GARNL3: variants seen among roughly 807,000 people sequenced by gnomAD.
The protein encoded by GARNL3 is GTPase-activating Rap/Ran-GAP domain-like protein 3.
In GARNL3, 63 loss-of-function variants were observed where a neutral mutation model predicts 125.0. The observed-to-expected ratio is 0.50, with a 90% confidence interval of 0.41 to 0.62. The LOEUF is 0.62. Ranked by LOEUF, GARNL3 falls within the 20% of genes least tolerant of loss-of-function variation. The pLI is 0.00. For missense variants in GARNL3, 994 were observed against 1,244.0 expected (o/e 0.80, Z 3.02); for synonymous variants, 439 against 457.5 (o/e 0.96, Z 0.52).
At position 127,385,302 on chromosome 9, in the gene GARNL3, T is replaced by G. The variant is rs1379648980; in HGVS notation, c.2388+157T>G. On this transcript the variant is annotated intron_variant, in intron 24 of 27. Transcript: ENST00000373387. The surrounding 1 kb of genome is among the most constrained non-coding windows in gnomAD (Gnocchi z 4.1). ...TGGAAAGCCTGAAACCAGACTGATC[T>G]GTTGGGTTTTCATGTGTGATTTCTG... is the stretch of plus-strand genomic sequence containing the variant. Among the ~76,000 whole-genome samples, 1 of 152,212 alleles carries G rather than the reference T, an allele frequency of 6.6e-6. No individual in the cohort carries two copies. The highest frequency in any genetic ancestry group is 1.5e-5 in the Non-Finnish European group (1 of 68,038).
intron 22 of GARNL3, among the ~76,000 whole-genome samples, chr9:127,372,566 T>TA (rs1688962639): frequency 6.6e-6 from 1 of 152,240 alleles, no homozygotes; most frequent in African/African-American, 2.4e-5. Context: ...GGGTCTTACT[T>TA]ACTTTGTAAA....
In GARNL3 at chr9:127,311,586, G is replaced by A. The variant is rs1033860714; in HGVS notation, c.220-50G>A. ...GCCGCTGGTTCATTGCCAGGTTCAT[G>A]TTTACTTTCTGAATAAGCCTCTTAA... On this transcript the variant is annotated intron_variant, in intron 2 of 27. Coordinates refer to ENST00000373387, the MANE Select transcript of GARNL3 (RefSeq NM_032293.5). 2.6e-5 allele frequency: 34 copies of A among 1,288,654 alleles called. No individual in the cohort carries two copies. The Admixed American group carries it at 4.4e-4, about 17-fold the overall frequency. 79.8% of individuals were successfully genotyped at this position (1,288,654 alleles called of 1,614,324 possible).
At chr9:127,332,205 A>G in intron 7 of GARNL3, 69 bp from the exon 8 acceptor site, 2 of 1,142,020 alleles carry the variant, frequency 1.8e-6, no homozygotes, top group South Asian at 2.6e-5. Flanking sequence ...AGTCACGAAC[A>G]GCCCATCTCA....
intron 2 of GARNL3, among the ~76,000 whole-genome samples, chr9:127,252,289 T>C (rs151083767): frequency 5.8e-4 from 89 of 152,306 alleles, no homozygotes; most frequent in African/African-American, 2.0e-3. Context: ...CATGGTTATG[T>C]TCCTAAAGCA....
Position 127,384,101 on chromosome 9 carries a change from A to G in GARNL3, c.2269+556A>G, listed in dbSNP as rs146057893. Among the ~76,000 whole-genome samples, 3 of 152,342 alleles carry G rather than the reference A, an allele frequency of 2.0e-5. No homozygotes were observed. The highest frequency in any genetic ancestry group is 4.4e-5 in the Non-Finnish European group (3 of 68,028). On this transcript the variant is annotated intron_variant, in intron 23 of 27. Transcript: ENST00000373387. This position sits in a 1 kb window ranked among gnomAD's most constrained non-coding sequence, Gnocchi z 4.0. Reference sequence around the variant, plus strand: ...TCCAGTTCATTCTTTTGTCCTCACAATAAAACTGTGTGTTAATAGGTCCAC... The same window carrying G: ...TCCAGTTCATTCTTTTGTCCTCACAGTAAAACTGTGTGTTAATAGGTCCAC...
intron 7 of GARNL3, among the ~76,000 whole-genome samples, chr9:127,331,387 G>A (rs1411820565): frequency 6.6e-6 from 1 of 152,046 alleles, no homozygotes; most frequent in African/African-American, 2.4e-5. Flanking sequence ...CAGCTACTCA[G>A]GAGGCTGAGG....
chr9:127,362,084 T>C (rs895774741), intron 21 of GARNL3: 5 of 150,470 alleles, frequency 3.3e-5, no homozygotes, highest in African/African-American at 1.2e-4. Context: ...TTTTTTTTTT[T>C]TTTTGAGACA....
chr9:127,324,670 A>T (rs757335064), intron 6 of GARNL3, among the ~76,000 whole-genome samples: 2 of 152,264 alleles, frequency 1.3e-5, no homozygotes, highest in Non-Finnish European at 2.9e-5. Flanking sequence ...AAAGTAATTT[A>T]AGTTGATTAA....
chr9:127,296,551 A>G (rs537826311), intron 2 of GARNL3, among the ~76,000 whole-genome samples: 8 of 140,004 alleles, frequency 5.7e-5, no homozygotes, highest in African/African-American at 2.2e-4. Flanking sequence ...GGCTCACTGT[A>G]ACCTCCACCT....
In GARNL3 at chr9:127,384,553, C is replaced by G. The variant is rs1453441578; in HGVS notation, c.2270-474C>G. ...AGTGAGGAATAAGATGCAGCCCCGG[C>G]TCAGACGTGCAGCTGGAGGAGCACA... On this transcript the variant is annotated intron_variant, in intron 23 of 27. Coordinates refer to ENST00000373387, the MANE Select transcript of GARNL3 (RefSeq NM_032293.5). The surrounding 1 kb of genome is among the most constrained non-coding windows in gnomAD (Gnocchi z 4.0). Among the ~76,000 whole-genome samples, 1 of 150,504 alleles carries G rather than the reference C, an allele frequency of 6.6e-6. No individual in the cohort carries two copies. The highest frequency in any genetic ancestry group is 1.5e-5 in the Non-Finnish European group (1 of 68,024).
intron 1 of GARNL3, among the ~76,000 whole-genome samples, chr9:127,281,629 C>T (rs1027576470): frequency 3.9e-5 from 6 of 152,196 alleles, no homozygotes; most frequent in African/African-American, 1.4e-4. Context: ...TACTCTGGTC[C>T]TCACACTGGC....
Position 127,242,777 on chromosome 9 carries a change from C to T in GARNL3, c.-28-302C>T, listed in dbSNP as rs1031858213. ...CCCTTACCAAATTCATACTGCCTTT[C>T]TCTAAACAAGTTTGTGATTGTTCAA... On this transcript the variant is annotated intron_variant, in intron 1 of 10. Coordinates refer to the GARNL3 transcript ENST00000439286. This position sits in a 1 kb window ranked among gnomAD's most constrained non-coding sequence, Gnocchi z 4.6. Among the ~76,000 whole-genome samples the T allele has an allele frequency of 2.6e-5, 4 of 152,222 alleles. No homozygotes were observed. The highest frequency in any genetic ancestry group is 2.6e-4 in the Admixed American group (4 of 15,280).
At chr9:127,328,364 A>G (rs1344821554) in intron 7 of GARNL3, among the ~76,000 whole-genome samples, 1 of 152,158 alleles carries the variant, frequency 6.6e-6, no homozygotes, top group East Asian at 1.9e-4. Flanking sequence ...AACTGGGATA[A>G]ATTGGGAGCA....
At chr9:127,354,443 TC>T (rs756067341) in intron 19 of GARNL3, 33 bp downstream of exon 19, 8 of 1,319,992 alleles carry the variant, frequency 6.1e-6, no homozygotes, top group Non-Finnish European at 8.5e-6. Flanking sequence ...TCCATTCGAT[TC>T]GTTTTTTTTT....
chr9:127,348,918 TCA>T lies in GARNL3; in HGVS notation c.1432-3_1432-2del. 1 of 1,603,254 alleles carries T rather than the reference TCA, an allele frequency of 6.2e-7. No individual in the cohort carries two copies. ...CTTATCTTCCGATGCTTGTATTGCC[TCA>T]CAGCCGTGGGAGCCCCAGTGTTTCT... On this transcript the variant is annotated splice_region_variant and splice_polypyrimidine_tract_variant and intron_variant, in intron 16 of 27. Coordinates refer to ENST00000373387, the MANE Select transcript of GARNL3 (RefSeq NM_032293.5).
At chr9:127,265,172 A>G in intron 1 of GARNL3, 151 bp downstream of exon 1, 1 of 526,736 alleles carries the variant, frequency 1.9e-6, no homozygotes, top group East Asian at 3.3e-5. Flanking sequence ...TACAAAGGCT[A>G]TGATAATTTG....
intron 1 of GARNL3, among the ~76,000 whole-genome samples, chr9:127,287,616 G>A (rs2064289034): frequency 6.6e-6 from 1 of 152,196 alleles, no homozygotes; most frequent in Non-Finnish European, 1.5e-5. Context: ...AGCCGGGCTT[G>A]GGGGACACTG....
At chr9:127,343,627 C>T (rs748208837) in intron 14 of GARNL3, among the ~76,000 whole-genome samples, 2 of 152,194 alleles carry the variant, frequency 1.3e-5, no homozygotes, top group Non-Finnish European at 2.9e-5. Flanking sequence ...GGTGCTCAGT[C>T]GGTACTTGCT....
chr9:127,288,299 G>A lies in GARNL3; in HGVS notation c.145-2869G>A, dbSNP rs561582212. Among the ~76,000 whole-genome samples the A allele has an allele frequency of 2.0e-5, 3 of 152,322 alleles. No homozygotes were observed. In the East Asian group the frequency reaches 5.8e-4, roughly 29 times the overall value. On this transcript the variant is annotated intron_variant, in intron 1 of 27. Transcript: ENST00000373387. ...TGAGTAGTAGGGTTTTTTAGGGGAA[G>A]GTGAGAAAGGAGGGCCTTCCAAGCC...
Sources: gnomAD v4.1 joint callset for allele counts (sites outside exome capture counted in the v4.1 genomes callset) on GRCh38, gnomAD v4.1.1 for gene constraint, Gnocchi (gnomAD v3.1) non-coding constraint, MANE v1.5 for transcripts, NCBI Gene and HGNC (gene_info 2026-07-23, HGNC 2026-07-21) for gene names.